The following BAIAP2 variants were observed in gnomAD, a reference collection of about 807,000 sequenced individuals.
BAIAP2 encodes the protein BAR/IMD domain containing adaptor protein 2.
BAIAP2 carries 18 observed loss-of-function variants against 63.0 expected under a neutral mutation model. The observed-to-expected ratio is 0.29, with a 90% CI of 0.20 to 0.42. The LOEUF is 0.42. BAIAP2 is among the 10% of genes least tolerant of loss of function. The probability of loss-of-function intolerance (pLI) is 1.00; values close to 1 mark genes in which losing one functional copy is unlikely to be tolerated. For synonymous variants in BAIAP2, 386 were observed against 307.6 expected, an observed-to-expected ratio of 1.25 and a Z score of -2.67; for missense variants, 610 against 734.3, an observed-to-expected ratio of 0.83 and a Z score of 1.96.
At chr17:81,062,733 G>T (rs369517496) in intron 3 of BAIAP2, among the ~76,000 whole-genome samples, 1 of 149,440 alleles carries the variant, frequency 6.7e-6, no homozygotes, top group African/African-American at 2.5e-5. Context: ...GGTGAACGGG[G>T]AATGTGTTTG....
Position 81,116,663 on chromosome 17 carries a change from C to T in BAIAP2, c.*824C>T, listed in dbSNP as rs1412167122. 8.9e-6 allele frequency: 3 copies of T among 336,372 alleles called. No individual in the cohort carries two copies. Among genetic ancestry groups the T allele is most frequent in the East Asian group, 5.6e-5 (1 of 17,720 alleles). The allele number at this position is 336,372 out of a possible 1,614,324, so 20.8% of individuals were successfully genotyped here. Reference sequence around the variant, plus strand: ...GACCTCCCCCCCCCACCTCCGCTGACTCCTGCAGGCACTGGGGAGCTCTGC... The same window carrying T: ...GACCTCCCCCCCCCACCTCCGCTGATTCCTGCAGGCACTGGGGAGCTCTGC... On this transcript the variant is annotated 3_prime_UTR_variant, in exon 14 of 14. Coordinates refer to ENST00000428708, the MANE Select transcript of BAIAP2 (RefSeq NM_001144888.2).
chr17:81,041,860 C>T (rs1422486246), intron 1 of BAIAP2, among the ~76,000 whole-genome samples: 4 of 152,160 alleles, frequency 2.6e-5, no homozygotes, highest in Non-Finnish European at 4.4e-5. Flanking sequence ...GCATGAGCCA[C>T]TGCGCCTGGC....
chr17:81,039,947 C>T (rs1212882789), intron 1 of BAIAP2, among the ~76,000 whole-genome samples: 2 of 152,186 alleles, frequency 1.3e-5, no homozygotes, highest in Non-Finnish European at 2.9e-5. Context: ...GGTCTGGGCC[C>T]TGGTCAGGGG....
chr17:81,056,666 C>T (rs1047966631), intron 2 of BAIAP2, among the ~76,000 whole-genome samples: 28 of 152,146 alleles, frequency 1.8e-4, no homozygotes, highest in African/African-American at 6.8e-4. Flanking sequence ...ATGAGGGTGG[C>T]GGGGCTGAGT....
At chr17:81,088,910 C>T (rs930236369) in intron 6 of BAIAP2, among the ~76,000 whole-genome samples, 8 of 152,228 alleles carry the variant, frequency 5.3e-5, no homozygotes, top group Non-Finnish European at 1.0e-4. Flanking sequence ...CCCCCTCCCT[C>T]CTGCAGGCTG....
chr17:81,089,224 G>C (rs1411197261), intron 6 of BAIAP2, among the ~76,000 whole-genome samples: 1 of 152,216 alleles, frequency 6.6e-6, no homozygotes, highest in Non-Finnish European at 1.5e-5. Context: ...GGTCTGTTGG[G>C]GGACCATGTT....
At chr17:81,047,888 G>C (rs937289874) in intron 1 of BAIAP2, among the ~76,000 whole-genome samples, 2 of 152,260 alleles carry the variant, frequency 1.3e-5, no homozygotes, top group African/African-American at 2.4e-5. Context: ...GCACACACAC[G>C]GATATATGTG....
intron 6 of BAIAP2, among the ~76,000 whole-genome samples, chr17:81,094,443 C>G (rs987803931): frequency 1.3e-5 from 2 of 152,198 alleles, no homozygotes; most frequent in Non-Finnish European, 2.9e-5. Context: ...GCTCATGGAT[C>G]CCTGATCCTG....
intron 1 of BAIAP2, among the ~76,000 whole-genome samples, chr17:81,043,663 A>AT (rs1568062183): frequency 6.6e-6 from 1 of 152,188 alleles, no homozygotes; most frequent in East Asian, 1.9e-4. Context: ...TGCGCTGGAC[A>AT]TTCTCTGTGC....
intron 2 of BAIAP2, among the ~76,000 whole-genome samples, chr17:81,055,569 G>GTTTT (rs1555657837): frequency 1.8e-4 from 17 of 94,210 alleles, no homozygotes; most frequent in African/African-American, 4.9e-4. Flanking sequence ...TCTGCAGGGT[G>GTTTT]TTTTGTTTTT....
intron 6 of BAIAP2, among the ~76,000 whole-genome samples, chr17:81,093,682 C>T (rs774959051): frequency 3.9e-5 from 6 of 152,132 alleles, no homozygotes; most frequent in Non-Finnish European, 5.9e-5. Context: ...ATCCCCCCTC[C>T]GGCTGCCCCC....
chr17:81,035,681 G>C (rs1227084015), intron 1 of BAIAP2, among the ~76,000 whole-genome samples: 1 of 151,668 alleles, frequency 6.6e-6, no homozygotes, highest in East Asian at 1.9e-4. Flanking sequence ...CGGACCGGTC[G>C]GGGTCGTAGC....
rs1247264070 is a variant in BAIAP2 at position 81,053,554 on chromosome 17, TGTC to T, written c.55-112_55-110del. 3.7e-6 allele frequency: 4 copies of T among 1,067,806 alleles called. No homozygotes were observed. In the African/African-American group the frequency reaches 6.3e-5, roughly 17 times the overall value. The allele number at this position is 1,067,806 out of a possible 1,614,324, so 66.1% of individuals were successfully genotyped here. A position where few individuals can be genotyped will look rare whatever the true frequency, so the allele number is the denominator to read the frequency against. On this transcript the variant is annotated intron_variant, in intron 1 of 13. Transcript: ENST00000428708. ...GGAAGCCCACCTTGAGCATTTGTGG[TGTC>T]GACCCCCAGGAGGGGTGCCTGCTCT... is the stretch of plus-strand genomic sequence containing the variant.
chr17:81,071,492 C>T (rs1182916293), intron 3 of BAIAP2, among the ~76,000 whole-genome samples: 1 of 152,246 alleles, frequency 6.6e-6, no homozygotes, highest in African/African-American at 2.4e-5. Flanking sequence ...GTGATGCATG[C>T]TCACAGCCAG....
chr17:81,055,574 G>GTTTTTTGTTGTTTTTTTTTGTTTT (rs370775327), intron 2 of BAIAP2, among the ~76,000 whole-genome samples: 3 of 123,400 alleles, frequency 2.4e-5, no homozygotes, highest in Non-Finnish European at 3.3e-5. Context: ...AGGGTGTTTT[G>GTTTTTTGTTGTTTTTTTTTGTTTT]TTTTTTTTTG....
chr17:81,045,283 C>A (rs1288663648), intron 1 of BAIAP2, among the ~76,000 whole-genome samples: 1 of 152,188 alleles, frequency 6.6e-6, no homozygotes, highest in African/African-American at 2.4e-5. Flanking sequence ...TGCTGCAACC[C>A]TGAAAGGGAA....
chr17:81,041,924 T>C (rs2047133138), intron 1 of BAIAP2, among the ~76,000 whole-genome samples: 1 of 152,078 alleles, frequency 6.6e-6, no homozygotes, highest in Non-Finnish European at 1.5e-5. Context: ...TGAAGTAAAT[T>C]GGTAGGGTTT....
intron 6 of BAIAP2, chr17:81,097,662 G>C (rs971663653): frequency 6.5e-6 from 1 of 154,466 alleles, no homozygotes; most frequent in Non-Finnish European, 1.4e-5. Context: ...CTGCTGTGGA[G>C]GGTCTGCCTG....
chr17:81,039,390 G>A (rs921780920), intron 1 of BAIAP2, among the ~76,000 whole-genome samples: 2 of 152,188 alleles, frequency 1.3e-5, no homozygotes, highest in Non-Finnish European at 2.9e-5. Flanking sequence ...TCCAGCGTTC[G>A]CTTGGTGTCC....
Sources: gnomAD v4.1 joint callset for allele counts (sites outside exome capture counted in the v4.1 genomes callset) on GRCh38, gnomAD v4.1.1 for gene constraint, MANE v1.5 for transcripts, NCBI Gene and HGNC (gene_info 2026-07-23, HGNC 2026-07-21) for gene names.